Variants in FHIT observed in about 807,000 individuals in gnomAD.
The protein encoded by FHIT is fragile histidine triad diadenosine triphosphatase, also known as bis(5'-adenosyl)-triphosphatase.
Under a neutral mutation model 17.9 loss-of-function variants are expected in FHIT, and 19 were observed. The ratio of observed to expected loss-of-function variants is 1.06; its 90% CI spans 0.74 to 1.56. The LOEUF is 1.56. Among genes scored for constraint, FHIT ranks in the 40% most tolerant of loss-of-function variants. The pLI is 0.00. For missense variants in FHIT, 248 were observed against 189.2 expected (o/e 1.31, Z -1.82); for synonymous variants, 81 against 69.7 (o/e 1.16, Z -0.81).
intron 5 of FHIT, among the ~76,000 whole-genome samples, chr3:60,498,835 T>TAA (rs548636298): frequency 3.3e-5 from 5 of 149,976 alleles, no homozygotes; most frequent in African/African-American, 1.2e-4. Flanking sequence ...AAGCTCAACT[T>TAA]AAAAAAAAAA....
chr3:60,139,276 A>G lies in FHIT; in HGVS notation c.104-125124T>C, dbSNP rs981676984. ...CTGTGTCTACTTCATCAGATTTGCC[A>G]TCCCATAGCTGATTCCTAATTAAAG... is the stretch of plus-strand genomic sequence containing the variant. On this transcript the variant is annotated intron_variant, in intron 5 of 9. Transcript: ENST00000492590. Among the ~76,000 whole-genome samples the G allele has an allele frequency of 2.0e-5, 3 of 152,176 alleles. No homozygotes were observed. The East Asian group carries it at 5.8e-4, about 29-fold the overall frequency.
At chr3:60,138,268 C>T (rs542844604) in intron 5 of FHIT, among the ~76,000 whole-genome samples, 1 of 152,188 alleles carries the variant, frequency 6.6e-6, no homozygotes, top group South Asian at 2.1e-4. Flanking sequence ...CATCTGTACA[C>T]AACATGTGAA....
At chr3:60,421,913 C>T (rs865961526) in intron 5 of FHIT, among the ~76,000 whole-genome samples, 23 of 152,026 alleles carry the variant, frequency 1.5e-4, no homozygotes, top group Non-Finnish European at 4.4e-5. Context: ...GGGGCCATTG[C>T]AAAACTCCAC....
intron 8 of FHIT, among the ~76,000 whole-genome samples, chr3:59,906,861 G>A (rs1704607114): frequency 6.6e-6 from 1 of 152,216 alleles, no homozygotes; most frequent in African/African-American, 2.4e-5. Context: ...TCCATCTGGT[G>A]TGTTTTCATT....
At chr3:61,240,050 G>T (rs1432425677) in intron 1 of FHIT, among the ~76,000 whole-genome samples, 1 of 152,048 alleles carries the variant, frequency 6.6e-6, no homozygotes, top group Admixed American at 6.5e-5. Context: ...TCTAGGCCAG[G>T]GAAACCTTGG....
At chr3:60,915,206 A>G (rs1200694904) in intron 3 of FHIT, among the ~76,000 whole-genome samples, 4 of 152,118 alleles carry the variant, frequency 2.6e-5, no homozygotes, top group Non-Finnish European at 4.4e-5. Flanking sequence ...AATATGAGCA[A>G]TGGGATTTCT....
At chr3:60,185,672 T>A (rs1395225565) in intron 5 of FHIT, among the ~76,000 whole-genome samples, 2 of 152,208 alleles carry the variant, frequency 1.3e-5, no homozygotes, top group African/African-American at 4.8e-5. Context: ...TAAAACTATG[T>A]TTAACTTTGT....
chr3:60,058,139 T>G (rs964050170), intron 5 of FHIT, among the ~76,000 whole-genome samples: 58 of 127,950 alleles, frequency 4.5e-4, no homozygotes, highest in African/African-American at 1.1e-3. Flanking sequence ...TGTTTTTTTT[T>G]TTTTTTTTTT....
intron 2 of FHIT, among the ~76,000 whole-genome samples, chr3:61,083,379 A>T (rs2035205211): frequency 6.6e-6 from 1 of 152,196 alleles, no homozygotes; most frequent in African/African-American, 2.4e-5. Flanking sequence ...TCACGAGGTC[A>T]GGAGATCGAG....
chr3:60,331,205 G>A (rs908553782), intron 5 of FHIT, among the ~76,000 whole-genome samples: 7 of 152,108 alleles, frequency 4.6e-5, no homozygotes, highest in African/African-American at 1.7e-4. Context: ...CATTCTGCCT[G>A]GAATGCCTTT....
Position 59,748,192 on chromosome 3 carries a change from T to A in FHIT, c.*1393A>T, listed in dbSNP as rs1559564516. ...TCTAATTACAGGTAGTACTTGTTTT[T>A]CTTTGAGGCTGAAATATAAAGTTTA... On this transcript the variant is annotated 3_prime_UTR_variant, in exon 10 of 10. Coordinates refer to ENST00000492590, the MANE Select transcript of FHIT (RefSeq NM_002012.4). 6.6e-6 allele frequency among the ~76,000 whole-genome samples: 1 copy of A among 152,174 alleles called. No individual in the cohort carries two copies. The highest frequency in any genetic ancestry group is 1.5e-5 in the Non-Finnish European group (1 of 68,026).
chr3:60,805,269 A>C (rs1367711221), intron 4 of FHIT, among the ~76,000 whole-genome samples: 2 of 152,198 alleles, frequency 1.3e-5, no homozygotes, highest in Admixed American at 1.3e-4. Context: ...GCCATAACAA[A>C]ACACCAAGGA....
rs536943646 is a variant in FHIT, at chr3:60,977,148, A to G, written c.-111+64899T>C. ...TTCTTTTGTCTTCTTTCTGCTTCAC[A>G]GATCATTCATAATCACACACGGGGT... On this transcript the variant is annotated intron_variant, in intron 3 of 9. Transcript: ENST00000492590. 2.6e-5 allele frequency among the ~76,000 whole-genome samples: 4 copies of G among 152,310 alleles called. No homozygotes were observed. The South Asian group carries it at 8.3e-4, about 32-fold the overall frequency.
chr3:61,154,631 G>T (rs1003324763), intron 2 of FHIT, among the ~76,000 whole-genome samples: 2 of 152,116 alleles, frequency 1.3e-5, no homozygotes, highest in African/African-American at 4.8e-5. Context: ...GTGTCCTTGG[G>T]GACATGGGAT....
intron 2 of FHIT, among the ~76,000 whole-genome samples, chr3:61,105,572 A>T (rs946369638): frequency 2.0e-5 from 3 of 150,266 alleles, no homozygotes; most frequent in Admixed American, 6.7e-5. Flanking sequence ...TAATAATAAT[A>T]AAAAAAAAGT....
intron 5 of FHIT, among the ~76,000 whole-genome samples, chr3:60,029,363 A>G (rs1325448652): frequency 6.6e-6 from 1 of 152,208 alleles, no homozygotes; most frequent in African/African-American, 2.4e-5. Flanking sequence ...GGGGCAAATA[A>G]AACATATAGG....
intron 5 of FHIT, among the ~76,000 whole-genome samples, chr3:60,212,823 G>A (rs1438879257): frequency 6.6e-6 from 1 of 152,156 alleles, no homozygotes; most frequent in African/African-American, 2.4e-5. Context: ...AAAGAAAAAG[G>A]ACATGGCGGA....
At chr3:60,790,398 G>A (rs982042131) in intron 4 of FHIT, among the ~76,000 whole-genome samples, 4 of 152,074 alleles carry the variant, frequency 2.6e-5, no homozygotes, top group Admixed American at 2.0e-4. Flanking sequence ...GGCATCACTC[G>A]CTCCAGTTAA....
intron 3 of FHIT, among the ~76,000 whole-genome samples, chr3:60,855,792 T>C (rs1372847442): frequency 6.6e-6 from 1 of 152,104 alleles, no homozygotes; most frequent in East Asian, 1.9e-4. Context: ...TTCCACAGCC[T>C]AGAAGGATAT....
Sources: gnomAD v4.1 joint callset for allele counts (sites outside exome capture counted in the v4.1 genomes callset) on GRCh38, gnomAD v4.1.1 for gene constraint, MANE v1.5 for transcripts, NCBI Gene and HGNC (gene_info 2026-07-23, HGNC 2026-07-21) for gene names.